The following DCAF17 variants were observed in gnomAD, a reference collection of about 807,000 sequenced individuals.
The protein encoded by DCAF17 is DDB1 and CUL4 associated factor 17, also known as DDB1- and CUL4-associated factor 17.
In DCAF17, 48 loss-of-function variants were observed where a neutral mutation model predicts 66.0. That is an observed-to-expected ratio of 0.73 (90% CI 0.58 to 0.92). The LOEUF is 0.92. Ranked by LOEUF, DCAF17 falls within the 40% of genes least tolerant of loss-of-function variation. The pLI is 0.00. For synonymous variants in DCAF17, 206 were observed against 214.6 expected, an observed-to-expected ratio of 0.96 and a Z score of 0.35; for missense variants, 562 against 622.8, an observed-to-expected ratio of 0.90 and a Z score of 1.04.
At chr2:171,455,130 CCCACCCT>C (rs149597381) in intron 6 of DCAF17, among the ~76,000 whole-genome samples, 36,958 of 147,930 alleles carry the variant, frequency 0.25, 4,586 homozygotes, top group South Asian at 0.33. Flanking sequence ...TTTCCCTCCT[CCCACCCT>C]CCACCCTCCA....
At chr2:171,461,605 G>A (rs1695589748) in intron 8 of DCAF17, among the ~76,000 whole-genome samples, 1 of 151,990 alleles carries the variant, frequency 6.6e-6, no homozygotes. Context: ...ACCAAGAAAA[G>A]AATCATACCA....
In DCAF17 at chr2:171,476,958, A is replaced by G. The variant is rs1329820965; in HGVS notation, c.1182+8A>G. On this transcript the variant is annotated splice_region_variant and intron_variant, in intron 11 of 13. Coordinates refer to ENST00000375255, the MANE Select transcript of DCAF17 (RefSeq NM_025000.4). ...AACAGGGAGAACCATAAAGTAAGTC[A>G]AGAGTACTTTAAAATCCTTTATATA... 1.3e-6 allele frequency: 2 copies of G among 1,589,308 alleles called. No homozygotes were observed. Among genetic ancestry groups the G allele is most frequent in the Non-Finnish European group, 1.7e-6 (2 of 1,157,710 alleles).
intron 10 of DCAF17, among the ~76,000 whole-genome samples, chr2:171,474,760 C>G (rs528752626): frequency 3.1e-4 from 47 of 152,318 alleles, no homozygotes; most frequent in African/African-American, 1.1e-3. Context: ...CTCTTTCTCT[C>G]ATACATACAC....
intron 8 of DCAF17, among the ~76,000 whole-genome samples, chr2:171,466,165 A>T (rs892913537): frequency 1.3e-5 from 2 of 152,180 alleles, no homozygotes; most frequent in African/African-American, 2.4e-5. Flanking sequence ...CACCTGGGCA[A>T]ATTTTCTAAG....
At position 171,483,833 on chromosome 2, in the gene DCAF17, C is replaced by G. The variant is rs944053925; in HGVS notation, c.*2719C>G. The G allele has an allele frequency of 1.1e-5, 5 of 453,838 alleles. No homozygotes were observed. Among genetic ancestry groups the G allele is most frequent in the Non-Finnish European group, 2.2e-5 (5 of 226,776 alleles). 28.1% of individuals were successfully genotyped at this position (453,838 alleles called of 1,614,324 possible). On this transcript the variant is annotated 3_prime_UTR_variant, in exon 14 of 14. Transcript: ENST00000375255. ...ACAGAAGTTAATTGGCCCAGGGTCC[C>G]ACAACTAGTCAGTGCAGAGGTGGGA...
rs570933938 is a variant in DCAF17 at position 171,472,677 on chromosome 2, G to A, written c.982-1189G>A. 3.9e-5 allele frequency among the ~76,000 whole-genome samples: 6 copies of A among 152,178 alleles called. No homozygotes were observed. In the East Asian group the frequency reaches 5.8e-4, roughly 15 times the overall value. Reference sequence around the variant, plus strand: ...AACTGCGTTATTATTTTTTGTTTATGTTTCTGCCTCCCCCTAGACTATAAG... The same window carrying A: ...AACTGCGTTATTATTTTTTGTTTATATTTCTGCCTCCCCCTAGACTATAAG... On this transcript the variant is annotated intron_variant, in intron 9 of 13. Coordinates refer to ENST00000375255, the MANE Select transcript of DCAF17 (RefSeq NM_025000.4).
At chr2:171,441,953 G>A (rs1414112075) in intron 2 of DCAF17, among the ~76,000 whole-genome samples, 1 of 151,972 alleles carries the variant, frequency 6.6e-6, no homozygotes, top group African/African-American at 2.4e-5. Context: ...ATCACACCTA[G>A]GAAAATGAGC....
chr2:171,474,051 C>A, intron 10 of DCAF17, 76 bp downstream of exon 10: 9 of 1,220,962 alleles, frequency 7.4e-6, no homozygotes, highest in Non-Finnish European at 1.1e-5. Flanking sequence ...TTTTTGCCAG[C>A]GAACTAGTGA....
intron 8 of DCAF17, among the ~76,000 whole-genome samples, chr2:171,463,331 G>C (rs1695708848): frequency 6.6e-6 from 1 of 150,796 alleles, no homozygotes; most frequent in Admixed American, 6.6e-5. Flanking sequence ...GTGCAAAACT[G>C]TGTATATAAA....
intron 8 of DCAF17, among the ~76,000 whole-genome samples, chr2:171,468,536 C>T (rs1420635170): frequency 6.6e-6 from 1 of 152,152 alleles, no homozygotes; most frequent in Non-Finnish European, 1.5e-5. Flanking sequence ...AGAGTCTTTA[C>T]ATAGTAGATG....
intron 8 of DCAF17, among the ~76,000 whole-genome samples, chr2:171,468,636 C>A (rs2105794622): frequency 6.6e-6 from 1 of 152,234 alleles, no homozygotes; most frequent in East Asian, 1.9e-4. Context: ...CTCTACTCAC[C>A]TGCGGGCCAC....
At chr2:171,476,810 T>C (rs189942415) in intron 10 of DCAF17, 50 bp from the exon 11 acceptor site, 2 of 1,395,944 alleles carry the variant, frequency 1.4e-6, no homozygotes, top group African/African-American at 2.8e-5. Context: ...TTTGGCACCT[T>C]GATGGTGTTT....
chr2:171,469,083 T>C (rs41268701), intron 9 of DCAF17, 53 bp downstream of exon 9: 54 of 1,596,942 alleles, frequency 3.4e-5, no homozygotes, highest in Non-Finnish European at 4.6e-5. Context: ...GTTCTTTATT[T>C]TCTACCTCTC....
In DCAF17 at chr2:171,443,607, C is replaced by T; in HGVS notation, c.315C>T (p.Cys105=). The T allele has an allele frequency of 6.2e-7, 1 of 1,612,274 alleles. No homozygotes were observed. Among genetic ancestry groups the T allele is most frequent in the Non-Finnish European group, 8.5e-7 (1 of 1,178,776 alleles). The change falls in exon 3 of 14, where the codon TGC becomes TGT. Residue 105 remains cysteine (C), a synonymous_variant. Coordinates refer to ENST00000375255, the MANE Select transcript of DCAF17 (RefSeq NM_025000.4). ...EKIEDALLWE[C]PVGDILPNSS... ...TAGAGGATGCTTTATTATGGGAATG[C>T]CCAGTGGTAAGATTTGTTTTTAGAG...
At chr2:171,435,707 C>G (rs1693862163) in intron 2 of DCAF17, among the ~76,000 whole-genome samples, 1 of 152,134 alleles carries the variant, frequency 6.6e-6, no homozygotes, top group Non-Finnish European at 1.5e-5. Flanking sequence ...CAAAAACTAT[C>G]AAGATTTGCC....
intron 9 of DCAF17, among the ~76,000 whole-genome samples, chr2:171,470,527 T>C (rs906885883): frequency 6.6e-6 from 1 of 152,144 alleles, no homozygotes; most frequent in African/African-American, 2.4e-5. Context: ...TTCCCTTCCA[T>C]TTCCCCAAGT....
intron 2 of DCAF17, among the ~76,000 whole-genome samples, chr2:171,438,733 G>A (rs1292900903): frequency 6.6e-6 from 1 of 151,748 alleles, no homozygotes; most frequent in Non-Finnish European, 1.5e-5. Context: ...TAATCTATCT[G>A]TGCCTTTTTT....
At position 171,481,783 on chromosome 2, in the gene DCAF17, A is replaced by G. The variant is rs936514333; in HGVS notation, c.*669A>G. 3 of 453,426 alleles carry G rather than the reference A, an allele frequency of 6.6e-6. No homozygotes were observed. Among genetic ancestry groups the G allele is most frequent in the African/African-American group, 4.0e-5 (2 of 49,948 alleles). The allele number at this position is 453,426 out of a possible 1,614,324, so 28.1% of individuals were successfully genotyped here. On this transcript the variant is annotated 3_prime_UTR_variant, in exon 14 of 14. Coordinates refer to ENST00000375255, the MANE Select transcript of DCAF17 (RefSeq NM_025000.4). ...TTTGTGTTTCTATATAGGCTAATGT[A>G]AAAGATTCCAAGCAAACCTTAAGTG...
chr2:171,475,542 A>T (rs991823742), intron 10 of DCAF17, among the ~76,000 whole-genome samples: 3 of 152,154 alleles, frequency 2.0e-5, no homozygotes, highest in Non-Finnish European at 2.9e-5. Context: ...AAGCAGGAGG[A>T]TCCCCTGAAA....
Sources: allele counts gnomAD v4.1 joint callset (sites outside exome capture counted in the v4.1 genomes callset), GRCh38; gene constraint gnomAD v4.1.1; transcripts MANE v1.5; gene names NCBI Gene and HGNC (gene_info 2026-07-23, HGNC 2026-07-21).